The following DPP10 variants were observed in gnomAD, a reference collection of about 807,000 sequenced individuals.
The protein encoded by DPP10 is dipeptidyl peptidase like 10.
DPP10 carries 33 observed loss-of-function variants against 120.9 expected under a neutral mutation model. That is an observed-to-expected ratio of 0.27 (90% CI 0.21 to 0.37). The LOEUF is 0.37. Among genes scored for constraint, DPP10 ranks in the 10% least tolerant of loss-of-function variants. The pLI, the probability that DPP10 is intolerant of heterozygous loss-of-function variation, is 1.00. For missense variants in DPP10, 816 were observed against 942.8 expected (o/e 0.87, Z 1.76); for synonymous variants, 337 against 326.1 (o/e 1.03, Z -0.36).
At position 114,516,636 on chromosome 2, in the gene DPP10, G is replaced by C. The variant is rs373127661; in HGVS notation, c.60+73798G>C. Among the ~76,000 whole-genome samples the C allele has an allele frequency of 1.6e-4, 24 of 152,288 alleles. No individual in the cohort carries two copies. The East Asian group carries it at 4.2e-3, about 27-fold the overall frequency. The stretch of plus-strand genomic sequence containing the variant: ...CTTAATGTAGTATTGAGGAGAAAAT[G>C]CCTCTCTTTTATTATTCAAATGGTT... On this transcript the variant is annotated intron_variant, in intron 1 of 25. Coordinates refer to ENST00000410059, the MANE Select transcript of DPP10 (RefSeq NM_020868.6).
chr2:115,004,648 G>T (rs1701683455), intron 1 of DPP10, among the ~76,000 whole-genome samples: 1 of 152,178 alleles, frequency 6.6e-6, no homozygotes, highest in Non-Finnish European at 1.5e-5. Context: ...CCCTAATACT[G>T]CACTTTTCCG....
At chr2:114,942,631 A>T (rs1252055243) in intron 1 of DPP10, among the ~76,000 whole-genome samples, 1 of 151,518 alleles carries the variant, frequency 6.6e-6, no homozygotes. Flanking sequence ...TCCTATATGC[A>T]TTATTATCTG....
At chr2:115,344,109 C>G (rs2063590290) in intron 3 of DPP10, among the ~76,000 whole-genome samples, 197 bp downstream of exon 3, 1 of 139,882 alleles carries the variant, frequency 7.1e-6, no homozygotes. Context: ...GCACTCCAAC[C>G]TGGGTGACAG....
At chr2:115,373,027 A>T (rs949889446) in intron 3 of DPP10, among the ~76,000 whole-genome samples, 6 of 152,248 alleles carry the variant, frequency 3.9e-5, no homozygotes, top group African/African-American at 1.4e-4. Flanking sequence ...AGAGGTTTGT[A>T]GAGCTACGGT....
At chr2:114,953,293 G>T (rs373321537) in intron 1 of DPP10, among the ~76,000 whole-genome samples, 2 of 152,074 alleles carry the variant, frequency 1.3e-5, no homozygotes, top group Admixed American at 1.3e-4. Context: ...TTAAAATTAC[G>T]TTAATAAAGT....
chr2:114,837,329 C>A (rs1430616561), intron 1 of DPP10, among the ~76,000 whole-genome samples: 1 of 152,204 alleles, frequency 6.6e-6, no homozygotes, highest in South Asian at 2.1e-4. Context: ...TCAGCCGGTC[C>A]CTCCGTTCCG....
At chr2:115,497,281 C>T (rs1335780450) in intron 3 of DPP10, among the ~76,000 whole-genome samples, 1 of 151,972 alleles carries the variant, frequency 6.6e-6, no homozygotes, top group South Asian at 2.1e-4. Flanking sequence ...TAGGGAGGGA[C>T]TATTATTATT....
At chr2:114,950,669 C>G (rs1034647780) in intron 1 of DPP10, among the ~76,000 whole-genome samples, 14 of 151,542 alleles carry the variant, frequency 9.2e-5, no homozygotes, top group East Asian at 1.9e-4. Flanking sequence ...CTTATAGGAC[C>G]CTATCTTGTT....
At chr2:115,008,679 T>A (rs1322817363) in intron 1 of DPP10, among the ~76,000 whole-genome samples, 1 of 114,952 alleles carries the variant, frequency 8.7e-6, no homozygotes, top group Non-Finnish European at 2.0e-5. Flanking sequence ...AACCTACTCA[T>A]CTGACAAAGG....
At chr2:114,878,939 G>A (rs1446224710) in intron 1 of DPP10, among the ~76,000 whole-genome samples, 1 of 151,996 alleles carries the variant, frequency 6.6e-6, no homozygotes, top group Non-Finnish European at 1.5e-5. Flanking sequence ...AATATACTTG[G>A]CCCCCTTTAT....
At chr2:115,017,642 G>T (rs1428734349) in intron 1 of DPP10, among the ~76,000 whole-genome samples, 1 of 148,778 alleles carries the variant, frequency 6.7e-6, no homozygotes, top group African/African-American at 2.5e-5. Flanking sequence ...AGAAAATGTG[G>T]CATATATACA....
intron 1 of DPP10, among the ~76,000 whole-genome samples, chr2:114,785,133 C>T (rs1682659691): frequency 2.6e-5 from 4 of 152,214 alleles, no homozygotes. Context: ...TGTTTACCCA[C>T]ACCTCATCCC....
intron 1 of DPP10, among the ~76,000 whole-genome samples, chr2:114,994,311 T>C (rs1035948542): frequency 6.6e-6 from 1 of 152,176 alleles, no homozygotes; most frequent in African/African-American, 2.4e-5. Flanking sequence ...TCAAATTACA[T>C]GAGAAATTTA....
At chr2:115,040,276 T>G (rs1379152027) in intron 1 of DPP10, among the ~76,000 whole-genome samples, 1 of 151,896 alleles carries the variant, frequency 6.6e-6, no homozygotes, top group African/African-American at 2.4e-5. Context: ...GAATATTTAA[T>G]GTAGACATGG....
chr2:114,829,843 C>T (rs1472726144), intron 1 of DPP10, among the ~76,000 whole-genome samples: 5 of 152,176 alleles, frequency 3.3e-5, no homozygotes, highest in Admixed American at 6.5e-5. Flanking sequence ...GAAAGCGTCA[C>T]TATGCGTTTC....
chr2:115,176,156 A>G (rs575665675), intron 1 of DPP10, among the ~76,000 whole-genome samples: 1 of 152,066 alleles, frequency 6.6e-6, no homozygotes, highest in South Asian at 2.1e-4. Context: ...TGACTTTCAA[A>G]TTATAAAAGG....
At chr2:115,263,111 T>A (rs2059323728) in intron 1 of DPP10, among the ~76,000 whole-genome samples, 1 of 152,216 alleles carries the variant, frequency 6.6e-6, no homozygotes, top group Non-Finnish European at 1.5e-5. Context: ...GTAGTTTTTT[T>A]ATTCTACAAA....
At chr2:114,802,519 C>CA (rs913254249) in intron 1 of DPP10, among the ~76,000 whole-genome samples, 1 of 87,044 alleles carries the variant, frequency 1.1e-5, no homozygotes, top group African/African-American at 4.3e-5. Flanking sequence ...GAATAACCCA[C>CA]AGACATTTAG....
At chr2:114,513,746 A>G (rs1684365627) in intron 1 of DPP10, among the ~76,000 whole-genome samples, 1 of 152,166 alleles carries the variant, frequency 6.6e-6, no homozygotes, top group East Asian at 1.9e-4. Flanking sequence ...GGGGAAGAGA[A>G]GGCATGAATT....
Sources: allele counts gnomAD v4.1 joint callset (sites outside exome capture counted in the v4.1 genomes callset), GRCh38; gene constraint gnomAD v4.1.1; transcripts MANE v1.5; gene names NCBI Gene and HGNC (gene_info 2026-07-23, HGNC 2026-07-21).